The following PANK4 variants were observed in gnomAD, a reference collection of about 807,000 sequenced individuals.
The protein encoded by PANK4 is pantothenate kinase 4 (inactive), also known as 4'-phosphopantetheine phosphatase.
PANK4 carries 40 observed loss-of-function variants against 87.9 expected under a neutral mutation model. The observed-to-expected ratio is 0.46, with a 90% CI of 0.35 to 0.59. The LOEUF (loss-of-function observed/expected upper bound fraction) is 0.59, where lower values mean the gene tolerates loss of function less well. Ranked by LOEUF, PANK4 falls within the 20% of genes least tolerant of loss-of-function variation. PANK4 has a pLI of 0.00. For synonymous variants in PANK4, 524 were observed against 467.4 expected (o/e 1.12, Z -1.56); for missense variants, 926 against 1,072.3 (o/e 0.86, Z 1.90).
In PANK4 at chr1:2,513,881, C is replaced by T. The variant is rs1033649022; in HGVS notation, c.1575+121G>A. 6.3e-6 allele frequency: 5 copies of T among 788,440 alleles called. No individual in the cohort carries two copies. The African/African-American group carries it at 6.7e-5, about 11-fold the overall frequency. The allele number at this position is 788,440 out of a possible 1,614,324, so 48.8% of individuals were successfully genotyped here. A position where few individuals can be genotyped will look rare whatever the true frequency, so the allele number is the denominator to read the frequency against. On this transcript the variant is annotated intron_variant, in intron 12 of 18. Coordinates refer to ENST00000378466, the MANE Select transcript of PANK4 (RefSeq NM_018216.4). ...GCCAGGGCTGGAGTTGGGGCCGCTA[C>T]CAAACCTGCATGGCCTCAGACAGGA...
At chr1:2,517,009 CG>C (rs1420671574) in intron 9 of PANK4, among the ~76,000 whole-genome samples, 1 of 152,246 alleles carries the variant, frequency 6.6e-6, no homozygotes, top group Non-Finnish European at 1.5e-5. Context: ...GCCTCCTGAA[CG>C]GGGCCCCCGA....
chr1:2,513,623 C>T (rs1009643009), intron 12 of PANK4, among the ~76,000 whole-genome samples: 1 of 152,242 alleles, frequency 6.6e-6, no homozygotes, highest in Non-Finnish European at 1.5e-5. Flanking sequence ...GTTCCAGCCC[C>T]TCCCCATGAG....
chr1:2,522,727 T>G (rs1643885334), intron 1 of PANK4, among the ~76,000 whole-genome samples: 1 of 152,280 alleles, frequency 6.6e-6, no homozygotes, highest in South Asian at 2.1e-4. Context: ...CTGTGTGTGT[T>G]ATAGTGACTT....
At chr1:2,522,387 C>T (rs1054303096) in intron 1 of PANK4, among the ~76,000 whole-genome samples, 9 of 152,136 alleles carry the variant, frequency 5.9e-5, no homozygotes, top group African/African-American at 2.2e-4. Flanking sequence ...TCAGAGGCCA[C>T]CAAAGTCCGT....
rs187000767 is a variant in PANK4, at chr1:2,514,900, G to A, written c.1375-434C>T. Reference sequence around the variant, plus strand: ...CAGGAAACCCGAGGCCAAGACCCACGTCCTCAGACTCGAGCCCCCATCCTG... The same window carrying A: ...CAGGAAACCCGAGGCCAAGACCCACATCCTCAGACTCGAGCCCCCATCCTG... On this transcript the variant is annotated intron_variant, in intron 10 of 18. Coordinates refer to ENST00000378466, the MANE Select transcript of PANK4 (RefSeq NM_018216.4). 3.3e-5 allele frequency among the ~76,000 whole-genome samples: 5 copies of A among 152,194 alleles called. No homozygotes were observed. In the South Asian group the frequency reaches 8.3e-4, roughly 25 times the overall value.
At chr1:2,521,455 G>T in intron 2 of PANK4, 140 bp from the exon 3 acceptor site, 1 of 789,498 alleles carries the variant, frequency 1.3e-6, no homozygotes, top group Non-Finnish European at 2.2e-6. Flanking sequence ...CTGGGCAAGA[G>T]GGAGGAGCCT....
intron 1 of PANK4, among the ~76,000 whole-genome samples, chr1:2,522,334 T>C (rs1643882012): frequency 2.0e-5 from 3 of 152,148 alleles, no homozygotes; most frequent in Admixed American, 6.5e-5. Context: ...CTTGAGAGGC[T>C]CCAGGCAGAA....
intron 1 of PANK4, 62 bp downstream of exon 1, chr1:2,526,401 CG>C: frequency 1.1e-6 from 1 of 949,402 alleles, no homozygotes; most frequent in Non-Finnish European, 1.3e-6. Flanking sequence ...CCCCGCTCGC[CG>C]GCCCACCGCC....
chr1:2,509,814 G>A lies in PANK4; in HGVS notation c.2108+48C>T. ...CCTGGGTGCAGGTGCACGGCACAGA[G>A]GGCACAGAGCCCAGGAGGGAGAGAA... On this transcript the variant is annotated intron_variant, in intron 18 of 18. Coordinates refer to ENST00000378466, the MANE Select transcript of PANK4 (RefSeq NM_018216.4). The surrounding 1 kb of genome is among the most constrained non-coding windows in gnomAD (Gnocchi z 4.9). 1.3e-6 allele frequency: 2 copies of A among 1,541,262 alleles called. No homozygotes were observed. Among genetic ancestry groups the A allele is most frequent in the Non-Finnish European group, 8.9e-7 (1 of 1,119,252 alleles).
chr1:2,519,015 GTGCTGGGCTTCTT>G lies in PANK4; in HGVS notation c.1035+115_1035+127del. ...GCCCAGAATCAGTCAGAAGGGAGGG[GTGCTGGGCTTCTT>G]GGCCCCCACCCTCCAGGCCTCCCTG... On this transcript the variant is annotated intron_variant, in intron 7 of 18. Transcript: ENST00000378466. The surrounding 1 kb of genome is among the most constrained non-coding windows in gnomAD (Gnocchi z 8.3). The G allele has an allele frequency of 2.4e-6, 2 of 841,418 alleles. No homozygotes were observed. Among genetic ancestry groups the G allele is most frequent in the South Asian group, 1.6e-5 (1 of 60,798 alleles). The allele number at this position is 841,418 out of a possible 1,614,324, so 52.1% of individuals were successfully genotyped here. A position where few individuals can be genotyped will look rare whatever the true frequency, so the allele number is the denominator to read the frequency against.
intron 1 of PANK4, among the ~76,000 whole-genome samples, chr1:2,522,752 TGTGTGTTATAGTA>T (rs1643885732): frequency 2.7e-5 from 4 of 146,836 alleles, no homozygotes; most frequent in East Asian, 2.0e-4. Context: ...GAGGGCACCG[TGTGTGTTATAGTA>T]ACTTAACGGA....
rs558092876 is a variant in PANK4, at chr1:2,510,573, C to T, written c.1938+105G>A. ...TGCTGCTGCCTGCACCTACCTGCTG[C>T]GTCCGGAGGAGCCCCGACCACCGCC... On this transcript the variant is annotated intron_variant, in intron 16 of 18. Coordinates refer to ENST00000378466, the MANE Select transcript of PANK4 (RefSeq NM_018216.4). The surrounding 1 kb of genome is among the most constrained non-coding windows in gnomAD (Gnocchi z 4.9). 356 of 717,616 alleles carry T rather than the reference C, an allele frequency of 5.0e-4. 4 individuals carry two copies. The South Asian group carries it at 5.3e-3, about 11-fold the overall frequency. 44.5% of individuals were successfully genotyped at this position (717,616 alleles called of 1,614,324 possible).
chr1:2,518,323 G>C (rs1463203910), intron 8 of PANK4, 59 bp from the exon 9 acceptor site: 1 of 1,218,164 alleles, frequency 8.2e-7, no homozygotes, highest in East Asian at 2.3e-5. Flanking sequence ...AAAAGCAGGA[G>C]AGTGGAGGAG....
At position 2,521,227 on chromosome 1, in the gene PANK4, G is replaced by A. The variant is rs761684792; in HGVS notation, c.296C>T (p.Thr99Ile). 15 of 1,613,670 alleles carry A rather than the reference G, an allele frequency of 9.3e-6. No individual in the cohort carries two copies. Among genetic ancestry groups the A allele is most frequent in the East Asian group, 6.7e-5 (3 of 44,900 alleles). The change falls in exon 3 of 19, where the codon ACC becomes ATC. Residue 99 changes from threonine to isoleucine, a missense_variant. Coordinates refer to ENST00000378466, the MANE Select transcript of PANK4 (RefSeq NM_018216.4). ...GAAGTCCAGGCAGGCTTCGATGTAG[G>A]TATTCTCAAACTTAATGAAGTGCAG... is the stretch of plus-strand genomic sequence containing the variant. ...ARLHFIKFEN[T>I]YIEACLDFIK...
chr1:2,524,357 T>C (rs1356363363), intron 1 of PANK4, among the ~76,000 whole-genome samples: 1 of 152,142 alleles, frequency 6.6e-6, no homozygotes, highest in Non-Finnish European at 1.5e-5. Flanking sequence ...ACTTTGGCTT[T>C]GAGGGTTCCT....
Position 2,515,577 on chromosome 1 carries a change from C to T in PANK4, c.1359G>A (p.Glu453=), listed in dbSNP as rs771479304. 1 of 1,612,966 alleles carries T rather than the reference C, an allele frequency of 6.2e-7. No individual in the cohort carries two copies. Among genetic ancestry groups the T allele is most frequent in the South Asian group, 1.1e-5 (1 of 91,072 alleles). The part of the protein sequence containing the change: ...LARKYWLTCF[E]EALDGVVKRA... ...GAGCCCTCACCCCGTCCAGGGCCTCCTCAAAGCAGGTGAGCCAGTATTTTC... is the reference window on the plus strand; with the variant it reads ...GAGCCCTCACCCCGTCCAGGGCCTCTTCAAAGCAGGTGAGCCAGTATTTTC... The change falls in exon 10 of 19, where the codon GAG becomes GAA. Residue 453 remains glutamate, a synonymous_variant. Coordinates refer to ENST00000378466, the MANE Select transcript of PANK4 (RefSeq NM_018216.4). This position sits in a 1 kb window ranked among gnomAD's most constrained non-coding sequence, Gnocchi z 5.0.
At chr1:2,511,735 G>A (rs771079652) in intron 13 of PANK4, 52 bp from the exon 14 acceptor site, 1 of 1,114,620 alleles carries the variant, frequency 9.0e-7, no homozygotes, top group Non-Finnish European at 1.4e-6. Context: ...AAAACCTTCA[G>A]CCACAGTGCT....
rs1415760550 is a variant in PANK4 at position 2,520,283 on chromosome 1, C to T, written c.699+39G>A. ...CTTCGGGGGAAGGAAGCAGACATCT[C>T]CGCAGACCCCTGGAAGGTCTCTGGC... On this transcript the variant is annotated intron_variant, in intron 5 of 18. Transcript: ENST00000378466. This position sits in a 1 kb window ranked among gnomAD's most constrained non-coding sequence, Gnocchi z 6.2. 1 of 1,576,924 alleles carries T rather than the reference C, an allele frequency of 6.3e-7. No homozygotes were observed. Among genetic ancestry groups the T allele is most frequent in the African/African-American group, 1.3e-5 (1 of 74,354 alleles).
In PANK4 at chr1:2,515,254, A is replaced by T; in HGVS notation, c.1374+308T>A. The stretch of plus-strand genomic sequence containing the variant: ...CCACAATGCCTCCCGCACCTCAGTC[A>T]CACCTCAAAAGAGCAGAGACGTCTC... On this transcript the variant is annotated intron_variant, in intron 10 of 18. Transcript: ENST00000378466. The surrounding 1 kb of genome is among the most constrained non-coding windows in gnomAD (Gnocchi z 5.0). The T allele has an allele frequency of 1.8e-6, 1 of 556,440 alleles. No homozygotes were observed. Among genetic ancestry groups the T allele is most frequent in the South Asian group, 1.5e-5 (1 of 65,078 alleles). The allele number at this position is 556,440 out of a possible 1,614,324, so 34.5% of individuals were successfully genotyped here. A position where few individuals can be genotyped will look rare whatever the true frequency, so the allele number is the denominator to read the frequency against.
Sources: gnomAD v4.1 joint callset for allele counts (sites outside exome capture counted in the v4.1 genomes callset) on GRCh38, gnomAD v4.1.1 for gene constraint, Gnocchi (gnomAD v3.1) non-coding constraint, MANE v1.5 for transcripts, NCBI Gene and HGNC (gene_info 2026-07-23, HGNC 2026-07-21) for gene names.